The following BICRAL variants were observed in gnomAD, a reference collection of about 807,000 sequenced individuals.
BICRAL encodes the protein BICRA like chromatin remodeling complex associated protein.
In BICRAL, 8 loss-of-function variants were observed where a neutral mutation model predicts 91.8. The ratio of observed to expected loss-of-function variants is 0.09; its 90% CI spans 0.05 to 0.16. The LOEUF (loss-of-function observed/expected upper bound fraction) is 0.16, where lower values mean the gene tolerates loss of function less well. Ranked by LOEUF, BICRAL falls within the 10% of genes least tolerant of loss-of-function variation. The pLI is 1.00. For synonymous variants in BICRAL, 445 were observed against 491.1 expected, an observed-to-expected ratio of 0.91 and a Z score of 1.24; for missense variants, 1,038 against 1,310.9, an observed-to-expected ratio of 0.79 and a Z score of 3.21.
At chr6:42,764,681 C>T (rs1420492734) in intron 1 of BICRAL, among the ~76,000 whole-genome samples, 2 of 151,882 alleles carry the variant, frequency 1.3e-5, no homozygotes, top group African/African-American at 2.4e-5. Context: ...TTTTTTGAGA[C>T]GGAGTCTTGC....
intron 1 of BICRAL, among the ~76,000 whole-genome samples, chr6:42,803,599 G>A (rs1227393522): frequency 2.6e-5 from 4 of 152,126 alleles, no homozygotes; most frequent in Admixed American, 2.6e-4. Flanking sequence ...TAATTGCATT[G>A]GGTAAACAGT....
intron 2 of BICRAL, among the ~76,000 whole-genome samples, chr6:42,816,938 T>C (rs1161201941): frequency 2.7e-5 from 4 of 146,312 alleles, no homozygotes; most frequent in Admixed American, 1.4e-4. Flanking sequence ...GGTGTGAACC[T>C]GGGAGGCTGA....
chr6:42,832,058 T>G (rs1179494172), intron 6 of BICRAL, among the ~76,000 whole-genome samples: 3 of 151,638 alleles, frequency 2.0e-5, no homozygotes, highest in Non-Finnish European at 1.5e-5. Flanking sequence ...CTTTTAAATA[T>G]ATATATCGGC....
At chr6:42,783,517 T>C (rs960156634) in intron 1 of BICRAL, among the ~76,000 whole-genome samples, 1 of 152,010 alleles carries the variant, frequency 6.6e-6, no homozygotes, top group Non-Finnish European at 1.5e-5. Context: ...GGGCGCCATC[T>C]TTCTCGCGGC....
chr6:42,867,821 T>C lies in BICRAL; in HGVS notation c.*2375T>C, dbSNP rs555945704. 2.0e-4 allele frequency: 31 copies of C among 152,316 alleles called. 1 individual carries two copies. Among genetic ancestry groups the C allele is most frequent in the South Asian group, 1.2e-3 (6 of 4,828 alleles). The allele number at this position is 152,316 out of a possible 1,614,324, so 9.4% of individuals were successfully genotyped here. On this transcript the variant is annotated 3_prime_UTR_variant, in exon 13 of 13. Coordinates refer to ENST00000314073, the MANE Select transcript of BICRAL (RefSeq NM_001393499.1). ...AATTTACCAAAATGAAACTTGTAAA[T>C]TTTTGTGTCATTGTATGTAAGTTTA...
At chr6:42,783,413 A>C (rs1028547581) in intron 1 of BICRAL, among the ~76,000 whole-genome samples, 4 of 152,062 alleles carry the variant, frequency 2.6e-5, no homozygotes, top group African/African-American at 9.7e-5. Context: ...AGTCGCCCCA[A>C]ATGCGGGATA....
chr6:42,816,797 G>A (rs1582841124), intron 2 of BICRAL, among the ~76,000 whole-genome samples: 1 of 151,826 alleles, frequency 6.6e-6, no homozygotes, highest in African/African-American at 2.4e-5. Context: ...GGCGGATCAC[G>A]AGGTCAGGAG....
intron 1 of BICRAL, among the ~76,000 whole-genome samples, chr6:42,808,854 G>A (rs1320064983): frequency 6.6e-6 from 1 of 152,048 alleles, no homozygotes; most frequent in South Asian, 2.1e-4. Context: ...CTTCTTTGTC[G>A]TCACATGATT....
At chr6:42,841,300 T>C (rs895765048) in intron 6 of BICRAL, among the ~76,000 whole-genome samples, 2 of 149,148 alleles carry the variant, frequency 1.3e-5, no homozygotes, top group Non-Finnish European at 3.0e-5. Context: ...GCGATTCTCC[T>C]GCCTCAGCCT....
intron 1 of BICRAL, among the ~76,000 whole-genome samples, chr6:42,806,073 G>T (rs1485593244): frequency 1.3e-5 from 2 of 151,912 alleles, no homozygotes; most frequent in Non-Finnish European, 2.9e-5. Context: ...TGATACTGAA[G>T]GTGGCTTAGG....
rs1280188971 is a variant in BICRAL at position 42,857,621 on chromosome 6, A to G, written c.2254+385A>G. Among the ~76,000 whole-genome samples, 41 of 133,878 alleles carry G rather than the reference A, an allele frequency of 3.1e-4. No individual in the cohort carries two copies. The South Asian group carries it at 7.6e-3, about 25-fold the overall frequency. The allele number at this position is 133,878 out of a possible 152,430, so 87.8% of individuals were successfully genotyped here. A position where few individuals can be genotyped will look rare whatever the true frequency, so the allele number is the denominator to read the frequency against. On this transcript the variant is annotated intron_variant, in intron 10 of 12. Transcript: ENST00000314073. ...CTCTTAAAAAAAAAAAAAAATATAT[A>G]TATATATATATATATTTTTTAGGAG...
At chr6:42,808,502 T>C (rs1763773925) in intron 1 of BICRAL, among the ~76,000 whole-genome samples, 1 of 152,244 alleles carries the variant, frequency 6.6e-6, no homozygotes, top group Admixed American at 6.5e-5. Context: ...ATGGATGTCT[T>C]GATTTTCACG....
At chr6:42,832,177 G>C (rs1764502780) in intron 6 of BICRAL, among the ~76,000 whole-genome samples, 1 of 151,118 alleles carries the variant, frequency 6.6e-6, no homozygotes, top group South Asian at 2.1e-4. Context: ...GTGAAACCCT[G>C]TCTCTACTAA....
chr6:42,794,918 G>A (rs1031885569), intron 1 of BICRAL, among the ~76,000 whole-genome samples: 4 of 150,552 alleles, frequency 2.7e-5, no homozygotes, highest in African/African-American at 4.9e-5. Context: ...CCAAGATCAC[G>A]CCATTGCAAT....
intron 5 of BICRAL, among the ~76,000 whole-genome samples, chr6:42,825,259 CA>C (rs398001338): frequency 0.011 from 560 of 52,756 alleles, 4 homozygotes; most frequent in African/African-American, 0.025. Context: ...GACTCTGTCT[CA>C]AAAAAAAAAA....
chr6:42,810,075 C>G (rs980253365), intron 1 of BICRAL, among the ~76,000 whole-genome samples: 6 of 152,228 alleles, frequency 3.9e-5, no homozygotes, highest in African/African-American at 1.2e-4. Context: ...GCGTGAGCCA[C>G]TATGCCCGGC....
At position 42,868,087 on chromosome 6, in the gene BICRAL, T is replaced by C. The variant is rs867279688; in HGVS notation, c.*2641T>C. On this transcript the variant is annotated 3_prime_UTR_variant, in exon 13 of 13. Coordinates refer to ENST00000314073, the MANE Select transcript of BICRAL (RefSeq NM_001393499.1). Reference sequence around the variant, plus strand: ...ATCATTTTCTTTTTTTTTTTTTTTTTCTGTTGTGGAAAAGCGTGAATTTGT... The same window carrying C: ...ATCATTTTCTTTTTTTTTTTTTTTTCCTGTTGTGGAAAAGCGTGAATTTGT... The C allele has an allele frequency of 7.1e-6, 1 of 140,140 alleles. No individual in the cohort carries two copies. Among genetic ancestry groups the C allele is most frequent in the African/African-American group, 2.8e-5 (1 of 35,808 alleles). The allele number at this position is 140,140 out of a possible 1,614,324, so 8.7% of individuals were successfully genotyped here.
Position 42,757,496 on chromosome 6 carries a change from C to T in BICRAL, c.-261+10473C>T, listed in dbSNP as rs561360341. ...CTCGATCTCCTGACTTCGTGATCCA[C>T]CTGCCTCGGCCTCCCATAGTGCTGG... On this transcript the variant is annotated intron_variant, in intron 1 of 14. Coordinates refer to the BICRAL transcript ENST00000614467. Among the ~76,000 whole-genome samples the T allele has an allele frequency of 2.0e-5, 3 of 152,324 alleles. No homozygotes were observed. In the East Asian group the frequency reaches 5.8e-4, roughly 29 times the overall value.
chr6:42,851,739 C>T (rs1036718093), intron 6 of BICRAL, among the ~76,000 whole-genome samples: 3 of 152,140 alleles, frequency 2.0e-5, no homozygotes, highest in Middle Eastern at 3.2e-3. Flanking sequence ...TAGTCAGGAT[C>T]ATAATCCTAG....
Sources: gnomAD v4.1 joint callset for allele counts (sites outside exome capture counted in the v4.1 genomes callset) on GRCh38, gnomAD v4.1.1 for gene constraint, MANE v1.5 for transcripts, NCBI Gene and HGNC (gene_info 2026-07-23, HGNC 2026-07-21) for gene names.